The following NOL10 variants were observed in gnomAD, a reference collection of about 807,000 sequenced individuals.
NOL10 encodes the protein H_NH0074G24.1.
Under a neutral mutation model 103.5 loss-of-function variants are expected in NOL10, and 58 were observed. The observed-to-expected ratio is 0.56, with a 90% CI of 0.45 to 0.70. The LOEUF (loss-of-function observed/expected upper bound fraction) is 0.70. NOL10 is among the 30% of genes least tolerant of loss of function. The pLI is 0.00. For missense variants in NOL10, 763 were observed against 807.3 expected, an observed-to-expected ratio of 0.95 and a Z score of 0.67; for synonymous variants, 287 against 282.5, an observed-to-expected ratio of 1.02 and a Z score of -0.16.
At position 10,657,817 on chromosome 2, in the gene NOL10, G is replaced by C. The variant is rs1260965962; in HGVS notation, c.831C>G (p.Ser277=). 6.4e-7 allele frequency: 1 copy of C among 1,550,606 alleles called. No individual in the cohort carries two copies. The highest frequency in any genetic ancestry group is 1.4e-5 in the African/African-American group (1 of 73,010). ...KDHQYGLPIK[S]VHFQDSLDLI... ...GATCTAATGAATCCTGGAAATGAAC[G>C]GACTTAATGGGCAGCCCATACTGGT... The change falls in exon 11 of 21, where the codon TCC becomes TCG. Residue 277 remains serine, a synonymous_variant. Transcript: ENST00000381685.
At chr2:10,600,965 T>C (rs983036839) in intron 16 of NOL10, 23 bp from the exon 17 acceptor site, 17 of 1,335,158 alleles carry the variant, frequency 1.3e-5, no homozygotes, top group Admixed American at 2.1e-5. Flanking sequence ...TAAAAGCTGG[T>C]ATTTTATTTT....
At chr2:10,672,781 T>C (rs982830156) in intron 5 of NOL10, among the ~76,000 whole-genome samples, 13 of 152,048 alleles carry the variant, frequency 8.5e-5, no homozygotes, top group Non-Finnish European at 1.8e-4. Context: ...TCACTTGAGG[T>C]CAAGAGTTTG....
chr2:10,587,168 C>CATATATATATACATATATAT (rs1558270466), intron 19 of NOL10, among the ~76,000 whole-genome samples: 1 of 35,978 alleles, frequency 2.8e-5, no homozygotes, highest in African/African-American at 1.8e-4. Flanking sequence ...CACATATATA[C>CATATATATATACATATATAT]ACATATATAT....
intron 17 of NOL10, among the ~76,000 whole-genome samples, chr2:10,598,593 T>C (rs985755102): frequency 1.3e-5 from 2 of 152,102 alleles, no homozygotes; most frequent in Non-Finnish European, 2.9e-5. Flanking sequence ...CCAGTGGAAG[T>C]GACACTGGCA....
At position 10,671,655 on chromosome 2, in the gene NOL10, A is replaced by G. The variant is rs1277827369; in HGVS notation, c.363T>C (p.Phe121=). The change falls in exon 6 of 21, where the codon TTT becomes TTC. Residue 121 remains phenylalanine, a synonymous_variant. Coordinates refer to ENST00000381685, the MANE Select transcript of NOL10 (RefSeq NM_024894.4). ...VFLHNDRYIE[F]HSQSGFYYKT... ...TGTAGTAAAAACCTGATTGCGAATG[A>G]AATTCAATGTATCTATCATTATGTA... The G allele has an allele frequency of 1.9e-6, 3 of 1,579,344 alleles. No individual in the cohort carries two copies. The East Asian group carries it at 6.8e-5, about 36-fold the overall frequency.
intron 14 of NOL10, among the ~76,000 whole-genome samples, chr2:10,606,767 T>C (rs139264113): frequency 6.6e-6 from 1 of 152,156 alleles, no homozygotes; most frequent in East Asian, 1.9e-4. Flanking sequence ...CTTCTAAGTT[T>C]TGGATTGGGT....
chr2:10,573,483 T>C (rs7598463), intron 20 of NOL10, among the ~76,000 whole-genome samples: 37,455 of 151,792 alleles, frequency 0.25, 6,403 homozygotes, highest in African/African-American at 0.45. Context: ...TGCGCCACCG[T>C]GCCCAGCCAG....
chr2:10,595,995 TA>T (rs1194659265), intron 17 of NOL10, among the ~76,000 whole-genome samples: 12 of 152,134 alleles, frequency 7.9e-5, no homozygotes, highest in Non-Finnish European at 1.5e-4. Context: ...TAATTGATAC[TA>T]AAAAAGCTTT....
In NOL10 at chr2:10,589,204, G is replaced by A; in HGVS notation, c.1683C>T (p.Val561=). 2.5e-6 allele frequency: 4 copies of A among 1,613,938 alleles called. No homozygotes were observed. Among genetic ancestry groups the A allele is most frequent in the Non-Finnish European group, 2.5e-6 (3 of 1,179,886 alleles). ...SDDEKAWVEE[V]RKQRRLLQQE... Reference sequence around the variant, plus strand: ...GCTGGAGGAGTCTGCGTTGCTTCCTGACCTCTTCAACCCAGGCTTTTTCAT... The same window carrying A: ...GCTGGAGGAGTCTGCGTTGCTTCCTAACCTCTTCAACCCAGGCTTTTTCAT... The change falls in exon 19 of 21, where the codon GTC becomes GTT. Residue 561 remains valine (V), a synonymous_variant. Coordinates refer to ENST00000381685, the MANE Select transcript of NOL10 (RefSeq NM_024894.4).
At chr2:10,620,020 A>G (rs985157336) in intron 13 of NOL10, among the ~76,000 whole-genome samples, 2 of 152,260 alleles carry the variant, frequency 1.3e-5, no homozygotes, top group Non-Finnish European at 2.9e-5. Context: ...AGGATGCTAA[A>G]GGCACTACGC....
intron 10 of NOL10, among the ~76,000 whole-genome samples, chr2:10,658,555 A>ATTAT (rs1409698007): frequency 6.6e-6 from 1 of 152,122 alleles, no homozygotes; most frequent in Non-Finnish European, 1.5e-5. Flanking sequence ...CATGTGCTAT[A>ATTAT]GTTAATGATG....
Position 10,654,562 on chromosome 2 carries a change from CA to C in NOL10, c.907-16del, listed in dbSNP as rs1558326380. The C allele has an allele frequency of 1.3e-6, 2 of 1,565,600 alleles. No homozygotes were observed. Among genetic ancestry groups the C allele is most frequent in the Non-Finnish European group, 1.7e-6 (2 of 1,154,026 alleles). On this transcript the variant is annotated splice_polypyrimidine_tract_variant and intron_variant, in intron 11 of 20. Coordinates refer to ENST00000381685, the MANE Select transcript of NOL10 (RefSeq NM_024894.4). Reference sequence around the variant, plus strand: ...AATATTTTTCCCTAAAAATAGCAAGCAAAAACGAAGTATTAAAAGTTAAAGA... The same window carrying C: ...AATATTTTTCCCTAAAAATAGCAAGCAAAACGAAGTATTAAAAGTTAAAGA...
chr2:10,587,275 A>ATATTTTTTTTTT lies in NOL10; in HGVS notation c.1844+1767_1844+1768insAAAAAAAAAATA, dbSNP rs1280231319. On this transcript the variant is annotated intron_variant, in intron 19 of 20. Coordinates refer to ENST00000381685, the MANE Select transcript of NOL10 (RefSeq NM_024894.4). ...TATATATACACATATATATATATATATTTTTTTTTTTTTTGAGATGGAGTC... is the reference window on the plus strand; with the variant it reads ...TATATATACACATATATATATATATATATTTTTTTTTTTTTTTTTTTTTTTTGAGATGGAGTC... Among the ~76,000 whole-genome samples, 47 of 22,552 alleles carry ATATTTTTTTTTT rather than the reference A, an allele frequency of 2.1e-3. 7 individuals carry two copies. Among genetic ancestry groups the ATATTTTTTTTTT allele is most frequent in the African/African-American group, 4.0e-3 (14 of 3,476 alleles). The allele number at this position is 22,552 out of a possible 152,430, so 14.8% of individuals were successfully genotyped here.
intron 13 of NOL10, among the ~76,000 whole-genome samples, chr2:10,642,396 G>T (rs1678755544): frequency 6.6e-6 from 1 of 152,206 alleles, no homozygotes; most frequent in African/African-American, 2.4e-5. Flanking sequence ...GCCTGTGCTT[G>T]TTGCGTCCAG....
rs139687288 is a variant in NOL10, at chr2:10,631,594, C to T, written c.1026+12726G>A. ...AATTTGTTGGCACTCCCAAACACAA[C>T]GATTGCATCATACCACCATTCTCAG... On this transcript the variant is annotated intron_variant, in intron 13 of 20. Coordinates refer to ENST00000381685, the MANE Select transcript of NOL10 (RefSeq NM_024894.4). Among the ~76,000 whole-genome samples the T allele has an allele frequency of 9.1e-3, 1,392 of 152,286 alleles. 16 individuals carry two copies. The highest frequency in any genetic ancestry group is 0.031 in the African/African-American group (1,270 of 41,560).
At chr2:10,627,602 G>T (rs929835164) in intron 13 of NOL10, among the ~76,000 whole-genome samples, 1 of 152,072 alleles carries the variant, frequency 6.6e-6, no homozygotes. Flanking sequence ...GTGAACCCGG[G>T]AGGCGGAGGT....
chr2:10,634,750 A>G (rs1678086049), intron 13 of NOL10, among the ~76,000 whole-genome samples: 1 of 152,216 alleles, frequency 6.6e-6, no homozygotes, highest in African/African-American at 2.4e-5. Context: ...CGTTATCAGC[A>G]GGAGGAGGAG....
chr2:10,670,554 G>A (rs1167195816), intron 6 of NOL10, among the ~76,000 whole-genome samples: 1 of 152,116 alleles, frequency 6.6e-6, no homozygotes, highest in Non-Finnish European at 1.5e-5. Flanking sequence ...GGCCAACAAG[G>A]TGAAACATCG....
chr2:10,680,298 A>AGGG (rs1558354057), intron 3 of NOL10, among the ~76,000 whole-genome samples: 27 of 131,718 alleles, frequency 2.0e-4, no homozygotes, highest in African/African-American at 7.4e-4. Flanking sequence ...GAAGGAGAAG[A>AGGG]AGGAGAAGAG....
Sources: gnomAD v4.1 joint callset for allele counts (sites outside exome capture counted in the v4.1 genomes callset) on GRCh38, gnomAD v4.1.1 for gene constraint, MANE v1.5 for transcripts, NCBI Gene and HGNC (gene_info 2026-07-23, HGNC 2026-07-21) for gene names.